The following DDX10 variants were observed in gnomAD, a reference collection of about 807,000 sequenced individuals.
DDX10 encodes the protein probable ATP-dependent RNA helicase DDX10.
Under a neutral mutation model 104.3 loss-of-function variants are expected in DDX10, and 74 were observed. That is an observed-to-expected ratio of 0.71 (90% confidence interval 0.59 to 0.86). The LOEUF (loss-of-function observed/expected upper bound fraction) is 0.86, where lower values mean the gene tolerates loss of function less well. Ranked by LOEUF, DDX10 falls within the 40% of genes least tolerant of loss-of-function variation. DDX10 has a pLI of 0.00. For synonymous variants in DDX10, 351 were observed against 353.4 expected, an observed-to-expected ratio of 0.99 and a Z score of 0.08; for missense variants, 952 against 1,040.0, an observed-to-expected ratio of 0.92 and a Z score of 1.16.
intron 13 of DDX10, among the ~76,000 whole-genome samples, chr11:108,775,027 C>G (rs535537901): frequency 2.4e-4 from 37 of 152,296 alleles, no homozygotes; most frequent in Middle Eastern, 6.8e-3. Flanking sequence ...GAAACACTAC[C>G]AACTAGGTCT....
chr11:108,704,775 G>T (rs572507099), intron 9 of DDX10, among the ~76,000 whole-genome samples: 2 of 152,312 alleles, frequency 1.3e-5, no homozygotes, highest in East Asian at 3.9e-4. Flanking sequence ...GATAATTGGT[G>T]AAAGTAGTAA....
intron 10 of DDX10, among the ~76,000 whole-genome samples, chr11:108,712,637 A>T (rs1383339145): frequency 1.3e-5 from 2 of 152,182 alleles, no homozygotes; most frequent in African/African-American, 4.8e-5. Context: ...TGTAAAGCAT[A>T]CATAAGCGTA....
intron 6 of DDX10, 102 bp from the exon 7 acceptor site, chr11:108,688,834 T>C: frequency 7.6e-7 from 1 of 1,314,020 alleles, no homozygotes; most frequent in Non-Finnish European, 1.1e-6. Flanking sequence ...GGAAATTTGC[T>C]TGAGAGATGT....
intron 6 of DDX10, among the ~76,000 whole-genome samples, chr11:108,683,186 C>A (rs773331026): frequency 1.3e-5 from 2 of 152,278 alleles, no homozygotes; most frequent in African/African-American, 4.8e-5. Flanking sequence ...TTGTGAACCT[C>A]GTAGCATTGT....
chr11:108,926,820 A>G (rs548208618), intron 17 of DDX10, among the ~76,000 whole-genome samples: 1 of 152,292 alleles, frequency 6.6e-6, no homozygotes, highest in African/African-American at 2.4e-5. Context: ...GTACTTTAGG[A>G]TGGGTATAAA....
intron 16 of DDX10, among the ~76,000 whole-genome samples, chr11:108,887,876 C>T (rs1354419244): frequency 6.6e-6 from 1 of 151,692 alleles, no homozygotes. Flanking sequence ...GCCGCGATCA[C>T]ACCACTCTCC....
intron 13 of DDX10, among the ~76,000 whole-genome samples, chr11:108,807,648 A>G (rs1282334977): frequency 1.3e-5 from 2 of 152,200 alleles, no homozygotes; most frequent in Admixed American, 6.5e-5. Flanking sequence ...AGTGTGTTCC[A>G]TTTTTTGGTA....
intron 7 of DDX10, chr11:108,690,376 C>T (rs1313568587): frequency 1.3e-5 from 2 of 152,832 alleles, no homozygotes; most frequent in African/African-American, 2.4e-5. Context: ...TCAATACCCA[C>T]CATCAGCAGC....
intron 13 of DDX10, among the ~76,000 whole-genome samples, chr11:108,809,724 A>G (rs1157156482): frequency 6.6e-6 from 1 of 152,208 alleles, no homozygotes. Flanking sequence ...TATCCTCCAC[A>G]GTATTATGAG....
At chr11:108,672,060 C>CG (rs1555012807) in intron 1 of DDX10, among the ~76,000 whole-genome samples, 329 of 76,942 alleles carry the variant, frequency 4.3e-3, no homozygotes, top group African/African-American at 0.014. Context: ...GACTCCATCT[C>CG]GGAAAAAAAA....
chr11:108,865,721 A>G (rs1863001067), intron 16 of DDX10, among the ~76,000 whole-genome samples: 1 of 152,084 alleles, frequency 6.6e-6, no homozygotes, highest in Non-Finnish European at 1.5e-5. Flanking sequence ...AAGTGGTAGG[A>G]TGATCCTAGA....
chr11:108,683,158 C>T (rs1173372260), intron 6 of DDX10, among the ~76,000 whole-genome samples: 2 of 152,126 alleles, frequency 1.3e-5, no homozygotes, highest in African/African-American at 4.8e-5. Context: ...TCTACCAGGG[C>T]CCCTCTGTCT....
At chr11:108,881,984 A>T (rs1591108797) in intron 16 of DDX10, among the ~76,000 whole-genome samples, 1 of 152,276 alleles carries the variant, frequency 6.6e-6, no homozygotes, top group Non-Finnish European at 1.5e-5. Context: ...TCAAGAGCAA[A>T]CCAGTAGGAG....
At chr11:108,698,773 A>G (rs1174035730) in intron 9 of DDX10, among the ~76,000 whole-genome samples, 3 of 152,228 alleles carry the variant, frequency 2.0e-5, no homozygotes, top group African/African-American at 4.8e-5. Flanking sequence ...GTGAAAGCCA[A>G]TGACCCCCTG....
intron 13 of DDX10, among the ~76,000 whole-genome samples, chr11:108,816,641 C>T (rs1380750162): frequency 1.3e-5 from 2 of 151,766 alleles, no homozygotes; most frequent in East Asian, 3.9e-4. Flanking sequence ...CAACGTCTGC[C>T]TCCCAGGTTC....
chr11:108,751,376 T>A (rs910808860), intron 13 of DDX10, among the ~76,000 whole-genome samples: 1 of 152,166 alleles, frequency 6.6e-6, no homozygotes, highest in Admixed American at 6.6e-5. Context: ...GATTTTGTTA[T>A]AATCAAATGA....
At chr11:108,677,603 C>T (rs1298405473) in intron 4 of DDX10, among the ~76,000 whole-genome samples, 1 of 151,324 alleles carries the variant, frequency 6.6e-6, no homozygotes, top group Non-Finnish European at 1.5e-5. Flanking sequence ...AGGATTGCTA[C>T]ATCAGCAGCG....
intron 16 of DDX10, among the ~76,000 whole-genome samples, chr11:108,869,205 T>TG (rs200127524): frequency 1.9e-3 from 290 of 151,612 alleles, no homozygotes; most frequent in South Asian, 4.0e-3. Context: ...TTGTTTTTTT[T>TG]TTTGTTTGTT....
chr11:108,871,815 A>G (rs1863086110), intron 16 of DDX10, among the ~76,000 whole-genome samples: 1 of 152,006 alleles, frequency 6.6e-6, no homozygotes, highest in African/African-American at 2.4e-5. Flanking sequence ...GTAATGCCAG[A>G]TACTCGGGAG....
Sources: allele counts gnomAD v4.1 joint callset (sites outside exome capture counted in the v4.1 genomes callset), GRCh38; gene constraint gnomAD v4.1.1; transcripts MANE v1.5; gene names NCBI Gene and HGNC (gene_info 2026-07-23, HGNC 2026-07-21).